Variants in CAB39 observed in about 807,000 individuals in gnomAD.
The protein encoded by CAB39 is calcium binding protein 39.
CAB39 carries 8 observed loss-of-function variants against 40.0 expected under a neutral mutation model. The observed-to-expected ratio is 0.20, with a 90% CI of 0.12 to 0.36. The LOEUF is 0.36. Among genes scored for constraint, CAB39 ranks in the 10% least tolerant of loss-of-function variants. The probability of loss-of-function intolerance (pLI) is 1.00; values close to 1 mark genes in which losing one functional copy is unlikely to be tolerated. For missense variants in CAB39, 270 were observed against 401.1 expected (o/e 0.67, Z 2.79); for synonymous variants, 156 against 141.6 (o/e 1.10, Z -0.72).
intron 2 of CAB39, among the ~76,000 whole-genome samples, chr2:230,770,883 GA>G (rs138447774): frequency 0.011 from 1,745 of 152,188 alleles, 13 homozygotes; most frequent in Non-Finnish European, 0.017. Flanking sequence ...TAGAGGAAGG[GA>G]ATTTTCTCAA....
chr2:230,768,606 A>G (rs1229259724), intron 2 of CAB39, among the ~76,000 whole-genome samples: 1 of 152,238 alleles, frequency 6.6e-6, no homozygotes, highest in African/African-American at 2.4e-5. Context: ...AGTTTGTGAA[A>G]GACAAAAATT....
intron 1 of CAB39, among the ~76,000 whole-genome samples, chr2:230,730,663 C>T (rs1291024543): frequency 2.0e-5 from 3 of 152,016 alleles, no homozygotes; most frequent in Non-Finnish European, 4.4e-5. Context: ...AGGCAGGTCT[C>T]GAACTGCTGA....
intron 4 of CAB39, among the ~76,000 whole-genome samples, chr2:230,794,814 GC>G (rs1695952564): frequency 6.8e-6 from 1 of 147,354 alleles, no homozygotes; most frequent in South Asian, 2.1e-4. Flanking sequence ...TCTAGTCCTT[GC>G]CCCCTTTTTC....
chr2:230,778,466 G>A (rs1357080963), intron 2 of CAB39, among the ~76,000 whole-genome samples: 3 of 152,166 alleles, frequency 2.0e-5, no homozygotes, highest in African/African-American at 7.2e-5. Context: ...TGCCTCTAGT[G>A]ACAGTAAAAT....
intron 1 of CAB39, among the ~76,000 whole-genome samples, chr2:230,740,461 G>C (rs1046163283): frequency 2.1e-4 from 32 of 152,156 alleles, no homozygotes; most frequent in Non-Finnish European, 3.5e-4. Context: ...GTTCAGTCCT[G>C]CTGGCACGTC....
In CAB39 at chr2:230,818,935, A is replaced by C. The variant is rs1001421287; in HGVS notation, c.*231A>C. ...TGATCTTTGTGTCATTTCAGAATTC[A>C]AAGACTGTGCTACGGGAGTTCTGAA... On this transcript the variant is annotated 3_prime_UTR_variant, in exon 9 of 9. Coordinates refer to ENST00000258418, the MANE Select transcript of CAB39 (RefSeq NM_016289.4). 4.6e-6 allele frequency: 2 copies of C among 436,302 alleles called. No homozygotes were observed. Among genetic ancestry groups the C allele is most frequent in the African/African-American group, 4.0e-5 (2 of 49,740 alleles). 27.0% of individuals were successfully genotyped at this position (436,302 alleles called of 1,614,324 possible).
At chr2:230,773,021 A>C (rs1158892304) in intron 2 of CAB39, among the ~76,000 whole-genome samples, 1 of 151,478 alleles carries the variant, frequency 6.6e-6, no homozygotes, top group Non-Finnish European at 1.5e-5. Flanking sequence ...TGTATACAAC[A>C]GCATGGATGA....
intron 1 of CAB39, among the ~76,000 whole-genome samples, chr2:230,736,639 A>T (rs189671545): frequency 7.9e-4 from 120 of 152,322 alleles, no homozygotes; most frequent in Non-Finnish European, 1.4e-3. Context: ...GACCCTGTGG[A>T]TCCTTTATTA....
At chr2:230,751,079 G>C (rs1031450593) in intron 1 of CAB39, among the ~76,000 whole-genome samples, 1 of 152,216 alleles carries the variant, frequency 6.6e-6, no homozygotes, top group African/African-American at 2.4e-5. Context: ...CTTAGAGCCA[G>C]TTATCTAAAA....
At chr2:230,724,244 C>CA (rs60084225) in intron 1 of CAB39, among the ~76,000 whole-genome samples, 316 of 101,046 alleles carry the variant, frequency 3.1e-3, no homozygotes, top group South Asian at 0.013. Flanking sequence ...AAGACTGTCT[C>CA]AAAAAAAAAA....
chr2:230,722,393 G>T (rs62193606), intron 1 of CAB39, among the ~76,000 whole-genome samples: 1 of 152,114 alleles, frequency 6.6e-6, no homozygotes, highest in Non-Finnish European at 1.5e-5. Context: ...CTGGGCTCAA[G>T]CGATCCTCCT....
chr2:230,758,682 AG>A (rs774074999), intron 1 of CAB39, among the ~76,000 whole-genome samples: 1 of 152,152 alleles, frequency 6.6e-6, no homozygotes. Flanking sequence ...TTTATATAGA[AG>A]GGGAAAACAA....
chr2:230,774,583 G>T (rs1275033580), intron 2 of CAB39, among the ~76,000 whole-genome samples: 1 of 152,150 alleles, frequency 6.6e-6, no homozygotes, highest in Non-Finnish European at 1.5e-5. Context: ...AAGGAGGTAT[G>T]GCTGCCTTGC....
At chr2:230,727,402 T>TG (rs1559589592) in intron 1 of CAB39, among the ~76,000 whole-genome samples, 6 of 105,408 alleles carry the variant, frequency 5.7e-5, no homozygotes, top group African/African-American at 2.7e-4. Flanking sequence ...GTGTGTGTAT[T>TG]TTTTTTTCTT....
chr2:230,782,162 G>A (rs1211546499), intron 2 of CAB39, among the ~76,000 whole-genome samples: 1 of 152,078 alleles, frequency 6.6e-6, no homozygotes, highest in Non-Finnish European at 1.5e-5. Flanking sequence ...CACCACTCCC[G>A]GCCACAACCA....
chr2:230,800,734 C>G (rs1428934185), intron 5 of CAB39, among the ~76,000 whole-genome samples: 1 of 152,112 alleles, frequency 6.6e-6, no homozygotes, highest in Admixed American at 6.5e-5. Context: ...AGACCCCTGA[C>G]CCCGTCAGGA....
intron 2 of CAB39, among the ~76,000 whole-genome samples, chr2:230,786,796 A>G (rs1450488651): frequency 6.6e-6 from 1 of 152,238 alleles, no homozygotes; most frequent in East Asian, 1.9e-4. Context: ...TGAAGAATAG[A>G]GATAGTAAAA....
At chr2:230,748,862 AT>A (rs1559597103) in intron 1 of CAB39, among the ~76,000 whole-genome samples, 16 of 127,934 alleles carry the variant, frequency 1.3e-4, no homozygotes, top group African/African-American at 3.9e-4. Context: ...ATATATATAT[AT>A]ATATAACAAA....
intron 5 of CAB39, among the ~76,000 whole-genome samples, chr2:230,807,577 G>C (rs1158719845): frequency 2.0e-5 from 3 of 152,146 alleles, no homozygotes; most frequent in Admixed American, 6.5e-5. Flanking sequence ...GCAGTTTCCT[G>C]AGTTTCCAGA....
Sources: allele counts gnomAD v4.1 joint callset (sites outside exome capture counted in the v4.1 genomes callset), GRCh38; gene constraint gnomAD v4.1.1; transcripts MANE v1.5; gene names NCBI Gene and HGNC (gene_info 2026-07-23, HGNC 2026-07-21).